PID1: variants seen among roughly 807,000 people sequenced by gnomAD.
The protein encoded by PID1 is PTB-containing, cubilin and LRP1-interacting protein.
A neutral mutation model predicts 19.1 loss-of-function variants in PID1; 10 were observed. The ratio of observed to expected loss-of-function variants is 0.52; its 90% CI spans 0.32 to 0.89. The LOEUF is 0.89. PID1 is among the 40% of genes least tolerant of loss of function. The probability of loss-of-function intolerance (pLI) is 0.03; values close to 1 mark genes in which losing one functional copy is unlikely to be tolerated. For missense variants in PID1, 248 were observed against 285.3 expected, an observed-to-expected ratio of 0.87 and a Z score of 0.94; for synonymous variants, 130 against 116.0, an observed-to-expected ratio of 1.12 and a Z score of -0.78.
intron 1 of PID1, among the ~76,000 whole-genome samples, chr2:229,177,434 T>C (rs994543896): frequency 1.3e-5 from 2 of 152,240 alleles, no homozygotes; most frequent in Admixed American, 6.5e-5. Context: ...GAATTATTCC[T>C]ACATAATTAA....
intron 1 of PID1, among the ~76,000 whole-genome samples, chr2:229,185,085 ATATATCCTATATATATC>A: frequency 6.8e-6 from 1 of 147,636 alleles, no homozygotes; most frequent in African/African-American, 2.5e-5. Flanking sequence ...TATCCTACAT[ATATATCCTATATATATC>A]CTATATATAT....
rs555740638 is a variant in PID1 at position 229,251,138 on chromosome 2, G to A, written c.30+19876C>T. Among the ~76,000 whole-genome samples, 86 of 152,222 alleles carry A rather than the reference G, an allele frequency of 5.6e-4. 1 individual carries two copies. The South Asian group carries it at 0.014, about 25-fold the overall frequency. On this transcript the variant is annotated intron_variant, in intron 1 of 2. Transcript: ENST00000392055. Reference sequence around the variant, plus strand: ...CCAAAATGTTGCCGACCCACACATAGTACTTTGATGCTCAAGGACTGAAAA... The same window carrying A: ...CCAAAATGTTGCCGACCCACACATAATACTTTGATGCTCAAGGACTGAAAA...
chr2:229,042,862 T>C (rs1285010764), intron 2 of PID1, among the ~76,000 whole-genome samples: 2 of 152,174 alleles, frequency 1.3e-5, no homozygotes, highest in Non-Finnish European at 2.9e-5. Context: ...GACAATATTG[T>C]TACTATTCAT....
At chr2:229,258,263 C>G (rs1239729268) in intron 1 of PID1, among the ~76,000 whole-genome samples, 1 of 152,176 alleles carries the variant, frequency 6.6e-6, no homozygotes, top group Admixed American at 6.5e-5. Flanking sequence ...AACTTTCCAC[C>G]CTTTGGTCTG....
At chr2:229,104,477 T>G (rs1240896398) in intron 2 of PID1, among the ~76,000 whole-genome samples, 2 of 152,252 alleles carry the variant, frequency 1.3e-5, no homozygotes, top group Non-Finnish European at 2.9e-5. Context: ...TGTGTACTCC[T>G]ATTAGTTTGA....
intron 1 of PID1, among the ~76,000 whole-genome samples, chr2:229,162,478 G>T (rs1242153416): frequency 6.6e-6 from 1 of 152,146 alleles, no homozygotes; most frequent in Non-Finnish European, 1.5e-5. Flanking sequence ...TTTAATCTTC[G>T]GTTGATCCTT....
intron 1 of PID1, among the ~76,000 whole-genome samples, chr2:229,158,087 A>G (rs1365978536): frequency 6.6e-6 from 1 of 152,276 alleles, no homozygotes; most frequent in Non-Finnish European, 1.5e-5. Context: ...TTACATTTGC[A>G]TTTAAAGTAG....
intron 2 of PID1, among the ~76,000 whole-genome samples, chr2:229,104,206 G>T (rs1695129718): frequency 6.6e-6 from 1 of 152,134 alleles, no homozygotes; most frequent in African/African-American, 2.4e-5. Flanking sequence ...ATCTGGTTCA[G>T]CCTGTGCTAC....
chr2:229,222,442 ATAC>A (rs1465261394), intron 1 of PID1, among the ~76,000 whole-genome samples: 1 of 152,212 alleles, frequency 6.6e-6, no homozygotes, highest in Non-Finnish European at 1.5e-5. Flanking sequence ...TTAGTATTTC[ATAC>A]TACTATGTGG....
At chr2:229,249,602 A>AT in intron 1 of PID1, among the ~76,000 whole-genome samples, 1 of 152,202 alleles carries the variant, frequency 6.6e-6, no homozygotes, top group East Asian at 1.9e-4. Flanking sequence ...AAGTCCACAC[A>AT]TAATTCCAAT....
intron 1 of PID1, among the ~76,000 whole-genome samples, chr2:229,203,270 A>G (rs530999705): frequency 1.3e-5 from 2 of 152,138 alleles, no homozygotes; most frequent in South Asian, 2.1e-4. Context: ...GGCAGTCAAT[A>G]TTATTAGAGT....
chr2:229,062,632 G>T (rs767818544), intron 2 of PID1, among the ~76,000 whole-genome samples: 1 of 151,910 alleles, frequency 6.6e-6, no homozygotes, highest in Non-Finnish European at 1.5e-5. Flanking sequence ...ATAGAATGAT[G>T]ATTAATGTTG....
At chr2:229,104,494 AT>A (rs1288450334) in intron 2 of PID1, among the ~76,000 whole-genome samples, 1 of 152,242 alleles carries the variant, frequency 6.6e-6, no homozygotes, top group East Asian at 1.9e-4. Context: ...TTGAGCACAT[AT>A]AGTGAGTATT....
chr2:229,260,204 A>G (rs1306897663), intron 1 of PID1, among the ~76,000 whole-genome samples: 2 of 152,190 alleles, frequency 1.3e-5, no homozygotes, highest in African/African-American at 4.8e-5. Context: ...TTGGCAGTTC[A>G]GCCTAAAGAA....
At chr2:229,074,303 C>T (rs114656525) in intron 2 of PID1, among the ~76,000 whole-genome samples, 1,781 of 151,648 alleles carry the variant, frequency 0.012, 43 homozygotes, top group African/African-American at 0.04. Context: ...AAATATACTT[C>T]AAGAAATTAA....
chr2:229,271,211 G>A lies in PID1; in HGVS notation c.-168C>T. The A allele has an allele frequency of 3.2e-6, 2 of 622,654 alleles. No homozygotes were observed. The highest frequency in any genetic ancestry group is 5.2e-6 in the Non-Finnish European group (2 of 385,260). The allele number at this position is 622,654 out of a possible 1,614,324, so 38.6% of individuals were successfully genotyped here. On this transcript the variant is annotated 5_prime_UTR_variant, in exon 1 of 3. Transcript: ENST00000392055. ...GCGTAGGGGGCTGCGAGCAGGAGGA[G>A]GCGCGGCGCTCAGCTGCCGGCAACT...
At chr2:229,204,499 T>G (rs1284275830) in intron 1 of PID1, among the ~76,000 whole-genome samples, 1 of 152,120 alleles carries the variant, frequency 6.6e-6, no homozygotes, top group East Asian at 1.9e-4. Flanking sequence ...TTTTCACATC[T>G]TGTCAAGGAG....
chr2:229,135,892 A>G (rs972998626), intron 2 of PID1, among the ~76,000 whole-genome samples: 1 of 152,354 alleles, frequency 6.6e-6, no homozygotes, highest in South Asian at 2.1e-4. Flanking sequence ...GTCTGAAAAC[A>G]TGGTCAGTAA....
intron 2 of PID1, among the ~76,000 whole-genome samples, chr2:229,074,954 T>A (rs1183610461): frequency 6.6e-6 from 1 of 152,214 alleles, no homozygotes; most frequent in Non-Finnish European, 1.5e-5. Flanking sequence ...TTATGTAATA[T>A]ACAGGGCTCC....
Sources: allele counts gnomAD v4.1 joint callset (sites outside exome capture counted in the v4.1 genomes callset), GRCh38; gene constraint gnomAD v4.1.1; transcripts MANE v1.5; gene names NCBI Gene and HGNC (gene_info 2026-07-23, HGNC 2026-07-21).